Variants in B4GALT1 observed in about 807,000 individuals in gnomAD.
The protein encoded by B4GALT1 is N-acetyllactosamine synthase.
Under a neutral mutation model 34.9 loss-of-function variants are expected in B4GALT1, and 16 were observed. The ratio of observed to expected loss-of-function variants is 0.46; its 90% confidence interval spans 0.31 to 0.70. The LOEUF is 0.70. B4GALT1 is among the 30% of genes least tolerant of loss of function. The probability of loss-of-function intolerance (pLI) is 0.05; values close to 1 mark genes in which losing one functional copy is unlikely to be tolerated. For missense variants in B4GALT1, 445 were observed against 530.5 expected (o/e 0.84, Z 1.58); for synonymous variants, 221 against 218.1 (o/e 1.01, Z -0.12).
At chr9:33,135,654 T>C (rs1444744658) in intron 1 of B4GALT1, among the ~76,000 whole-genome samples, 1 of 152,136 alleles carries the variant, frequency 6.6e-6, no homozygotes, top group Non-Finnish European at 1.5e-5. Flanking sequence ...ACCTAGATGG[T>C]TGGTCACTCT....
chr9:33,108,497 C>G (rs926506854), downstream of B4GALT1, among the ~76,000 whole-genome samples: 2 of 150,838 alleles, frequency 1.3e-5, no homozygotes, highest in African/African-American at 2.4e-5. Flanking sequence ...AACTGAGGCA[C>G]AGAGAGGCCA....
At chr9:33,122,911 AG>A (rs1014269735) in intron 2 of B4GALT1, among the ~76,000 whole-genome samples, 1 of 152,204 alleles carries the variant, frequency 6.6e-6, no homozygotes, top group Non-Finnish European at 1.5e-5. Flanking sequence ...AGGGAGGCTG[AG>A]GCGGGCAGAT....
chr9:33,139,252 G>A (rs915617545), intron 1 of B4GALT1, among the ~76,000 whole-genome samples: 3 of 152,172 alleles, frequency 2.0e-5, no homozygotes, highest in Non-Finnish European at 4.4e-5. Context: ...CCTGCTGAGC[G>A]TGTGGCAGAA....
At chr9:33,165,215 C>T (rs562003847) in intron 1 of B4GALT1, among the ~76,000 whole-genome samples, 35 of 151,752 alleles carry the variant, frequency 2.3e-4, no homozygotes, top group African/African-American at 7.5e-4. Context: ...TGATCCACTC[C>T]CCTCAGCCTC....
Position 33,113,145 on chromosome 9 carries a change from C to A in B4GALT1, c.*309G>T, listed in dbSNP as rs57903353. 3 of 389,446 alleles carry A rather than the reference C, an allele frequency of 7.7e-6. No individual in the cohort carries two copies. Among genetic ancestry groups the A allele is most frequent in the South Asian group, 3.1e-5 (1 of 32,256 alleles). 24.1% of individuals were successfully genotyped at this position (389,446 alleles called of 1,614,324 possible). A position where few individuals can be genotyped will look rare whatever the true frequency, so the allele number is the denominator to read the frequency against. On this transcript the variant is annotated 3_prime_UTR_variant, in exon 6 of 6. Coordinates refer to ENST00000379731, the MANE Select transcript of B4GALT1 (RefSeq NM_001497.4). ...CACGACAATTTAGCAATTCTATCAC[C>A]GGGAATGTGTTCCACGGCCACCAAA...
intron 1 of B4GALT1, among the ~76,000 whole-genome samples, chr9:33,137,316 A>G (rs1300854472): frequency 6.6e-6 from 1 of 152,190 alleles, no homozygotes; most frequent in East Asian, 1.9e-4. Context: ...GCATTGAGAG[A>G]TAGGCCTCAA....
At chr9:33,104,773 T>C (rs1206501524) in exon 3 of B4GALT1, 3 of 455,452 alleles carry the variant, frequency 6.6e-6, no homozygotes, top group South Asian at 3.1e-5. Context: ...GTCTTCTTAT[T>C]TTTTCATACT....
At chr9:33,122,514 AT>A (rs1234158699) in intron 2 of B4GALT1, among the ~76,000 whole-genome samples, 1 of 73,608 alleles carries the variant, frequency 1.4e-5, no homozygotes, top group African/African-American at 5.3e-5. Flanking sequence ...TCTCAAAAAA[AT>A]AAATAAATAA....
chr9:33,135,294 G>T lies in B4GALT1; in HGVS notation c.543C>A (p.Ile181=). The change falls in exon 2 of 6, where the codon ATC becomes ATA. Residue 181 remains isoleucine (I), a synonymous_variant. Coordinates refer to ENST00000379731, the MANE Select transcript of B4GALT1 (RefSeq NM_001497.4). ...DCVSPHKVAI[I]IPFRNRQEHL... is the part of the protein sequence containing the mutation. ...GCTCCTGCCGGTTGCGGAATGGAAT[G>T]ATGATGGCCACCTTGTGAGGAGAGA... The T allele has an allele frequency of 6.2e-7, 1 of 1,614,216 alleles. No homozygotes were observed. Among genetic ancestry groups the T allele is most frequent in the Non-Finnish European group, 8.5e-7 (1 of 1,180,040 alleles).
chr9:33,132,422 G>A (rs1417803479), intron 2 of B4GALT1, among the ~76,000 whole-genome samples: 3 of 152,202 alleles, frequency 2.0e-5, no homozygotes, highest in Admixed American at 1.3e-4. Context: ...AGTGTACACC[G>A]GGGTACCAAA....
At chr9:33,131,648 G>A (rs565242353) in intron 2 of B4GALT1, among the ~76,000 whole-genome samples, 4 of 152,330 alleles carry the variant, frequency 2.6e-5, no homozygotes, top group Non-Finnish European at 2.9e-5. Flanking sequence ...ACAGCAGGGT[G>A]TCTGGGCCAG....
intron 2 of B4GALT1, among the ~76,000 whole-genome samples, chr9:33,126,212 C>A (rs922038756): frequency 9.9e-5 from 15 of 152,146 alleles, no homozygotes; most frequent in Admixed American, 4.6e-4. Context: ...GAGGAAGGAA[C>A]TAGGCCGAGT....
At chr9:33,149,550 G>C (rs1840480138) in intron 1 of B4GALT1, among the ~76,000 whole-genome samples, 1 of 152,168 alleles carries the variant, frequency 6.6e-6, no homozygotes, top group African/African-American at 2.4e-5. Context: ...CTCCTAAAGT[G>C]CTGGGATTAC....
At position 33,111,431 on chromosome 9, in the gene B4GALT1, C is replaced by T. The variant is rs1191087624; in HGVS notation, c.*2023G>A. The T allele has an allele frequency of 6.6e-6, 1 of 152,582 alleles. No homozygotes were observed. The highest frequency in any genetic ancestry group is 1.9e-4 in the East Asian group (1 of 5,196). 9.5% of individuals were successfully genotyped at this position (152,582 alleles called of 1,614,324 possible). On this transcript the variant is annotated 3_prime_UTR_variant, in exon 6 of 6. Transcript: ENST00000379731. ...CATTCTTCTTATTTCCCACAACTCC[C>T]TCTCAATGCAGTCATTTCTAGTTTT...
chr9:33,125,229 G>C (rs1161211232), intron 2 of B4GALT1, among the ~76,000 whole-genome samples: 1 of 152,198 alleles, frequency 6.6e-6, no homozygotes, highest in African/African-American at 2.4e-5. Flanking sequence ...GCATCTGTAG[G>C]AGCAGAGAAA....
At position 33,166,885 on chromosome 9, in the gene B4GALT1, G is replaced by C; in HGVS notation, c.285C>G (p.Arg95=). The C allele has an allele frequency of 6.3e-7, 1 of 1,578,050 alleles. No individual in the cohort carries two copies. Among genetic ancestry groups the C allele is most frequent in the Non-Finnish European group, 8.6e-7 (1 of 1,168,970 alleles). The change falls in exon 1 of 6, where the codon CGC becomes CGG. Residue 95 remains arginine, a synonymous_variant. Coordinates refer to ENST00000379731, the MANE Select transcript of B4GALT1 (RefSeq NM_001497.4). The stretch of plus-strand genomic sequence containing the variant: ...CGACTGGGCTGGAGTCGCCACCCGG[G>C]CGCGGCTGGGAGGAGGCGCCTAGAG... The part of the protein sequence containing the change: ...PPPLGASSQP[R]PGGDSSPVVD...
chr9:33,128,431 A>G (rs10758191), intron 2 of B4GALT1, among the ~76,000 whole-genome samples: 79,109 of 151,832 alleles, frequency 0.52, 21,260 homozygotes, highest in African/African-American at 0.66. Flanking sequence ...AAAAAATGGC[A>G]TTTCCCAGAA....
At chr9:33,143,006 G>A (rs13301084) in intron 1 of B4GALT1, among the ~76,000 whole-genome samples, 16,326 of 152,184 alleles carry the variant, frequency 0.11, 970 homozygotes, top group African/African-American at 0.14. Flanking sequence ...TTAGCTGGGC[G>A]TGGTGGCACT....
intron 1 of B4GALT1, among the ~76,000 whole-genome samples, chr9:33,139,649 G>A (rs946219921): frequency 6.6e-6 from 1 of 152,272 alleles, no homozygotes. Context: ...CTCTGTCCCA[G>A]TGAGAAACTC....
Sources: gnomAD v4.1 joint callset for allele counts (sites outside exome capture counted in the v4.1 genomes callset) on GRCh38, gnomAD v4.1.1 for gene constraint, MANE v1.5 for transcripts, NCBI Gene and HGNC (gene_info 2026-07-23, HGNC 2026-07-21) for gene names.